Variants in EXOC6B observed in about 807,000 individuals in gnomAD.
EXOC6B encodes exocyst complex component 6B.
Under a neutral mutation model 113.5 loss-of-function variants are expected in EXOC6B, and 54 were observed. That is an observed-to-expected ratio of 0.48 (90% CI 0.38 to 0.60). The LOEUF (loss-of-function observed/expected upper bound fraction) is 0.60. Ranked by LOEUF, EXOC6B falls within the 20% of genes least tolerant of loss-of-function variation. The probability of loss-of-function intolerance (pLI) is 0.00; values close to 1 mark genes in which losing one functional copy is unlikely to be tolerated. For synonymous variants in EXOC6B, 357 were observed against 339.0 expected (o/e 1.05, Z -0.58); for missense variants, 797 against 977.5 (o/e 0.82, Z 2.46).
At chr2:72,554,907 AC>A (rs1286625524) in intron 8 of EXOC6B, among the ~76,000 whole-genome samples, 15 of 151,270 alleles carry the variant, frequency 9.9e-5, no homozygotes, top group African/African-American at 3.6e-4. Context: ...CCTCCCCCAG[AC>A]CCCCAACCCC....
At chr2:72,468,936 T>C (rs1698226766) in intron 17 of EXOC6B, among the ~76,000 whole-genome samples, 1 of 152,180 alleles carries the variant, frequency 6.6e-6, no homozygotes, top group Non-Finnish European at 1.5e-5. Flanking sequence ...GTCTTTTTCA[T>C]TAATAGGCTT....
At position 72,718,316 on chromosome 2, in the gene EXOC6B, G is replaced by A; in HGVS notation, c.465-9C>T. 6.2e-7 allele frequency: 1 copy of A among 1,612,690 alleles called. No homozygotes were observed. Among genetic ancestry groups the A allele is most frequent in the Non-Finnish European group, 8.5e-7 (1 of 1,179,056 alleles). Reference sequence around the variant, plus strand: ...TCAGTGCAGGATAATGCCTACAAAAGGAATTGATCACCTTTAGCTCACTCA... The same window carrying A: ...TCAGTGCAGGATAATGCCTACAAAAAGAATTGATCACCTTTAGCTCACTCA... On this transcript the variant is annotated splice_polypyrimidine_tract_variant and intron_variant, in intron 5 of 21. Transcript: ENST00000272427.
chr2:72,344,848 CCTT>C (rs1689233486), intron 19 of EXOC6B, among the ~76,000 whole-genome samples: 2 of 151,922 alleles, frequency 1.3e-5, no homozygotes, highest in East Asian at 3.9e-4. Context: ...AAGCACAAGC[CCTT>C]TAAATCTCCT....
At position 72,615,175 on chromosome 2, in the gene EXOC6B, T is replaced by G. The variant is rs148723843; in HGVS notation, c.670-39507A>C. Among the ~76,000 whole-genome samples the G allele has an allele frequency of 2.3e-3, 348 of 152,174 alleles. 2 individuals carry two copies. The highest frequency in any genetic ancestry group is 7.3e-3 in the African/African-American group (304 of 41,538). ...GATAAAGACCATCTAATATTAAGATTCAGACATCTAATAACAAAGCTTCAA... is the reference window on the plus strand; with the variant it reads ...GATAAAGACCATCTAATATTAAGATGCAGACATCTAATAACAAAGCTTCAA... On this transcript the variant is annotated intron_variant, in intron 6 of 21. Coordinates refer to ENST00000272427, the MANE Select transcript of EXOC6B (RefSeq NM_015189.3).
intron 6 of EXOC6B, among the ~76,000 whole-genome samples, chr2:72,681,847 T>A (rs536697125): frequency 6.6e-6 from 1 of 152,226 alleles, no homozygotes; most frequent in South Asian, 2.1e-4. Flanking sequence ...AATAGGGTAG[T>A]CTTGATTTAT....
intron 19 of EXOC6B, among the ~76,000 whole-genome samples, chr2:72,335,565 C>G (rs1455551590): frequency 1.5e-5 from 2 of 129,796 alleles, no homozygotes; most frequent in Admixed American, 1.5e-4. Flanking sequence ...CACACACACA[C>G]ACACACACAC....
intron 20 of EXOC6B, among the ~76,000 whole-genome samples, chr2:72,227,601 A>G (rs1443081749): frequency 1.3e-5 from 2 of 152,226 alleles, no homozygotes; most frequent in East Asian, 1.9e-4. Context: ...CACAACTGAT[A>G]TGTTTTATCC....
intron 11 of EXOC6B, among the ~76,000 whole-genome samples, chr2:72,504,201 G>A (rs1384501429): frequency 6.6e-6 from 1 of 151,998 alleles, no homozygotes; most frequent in Non-Finnish European, 1.5e-5. Flanking sequence ...AGCCACCATG[G>A]CTGGCCTTGT....
intron 6 of EXOC6B, among the ~76,000 whole-genome samples, chr2:72,683,030 T>G (rs1169742744): frequency 6.6e-6 from 1 of 152,210 alleles, no homozygotes; most frequent in Non-Finnish European, 1.5e-5. Context: ...TATCAACATT[T>G]GACAATCTTG....
chr2:72,493,081 G>A (rs1699835081), intron 15 of EXOC6B, among the ~76,000 whole-genome samples: 1 of 151,826 alleles, frequency 6.6e-6, no homozygotes, highest in African/African-American at 2.4e-5. Context: ...TTTCTTCTGG[G>A]TTCTATATTG....
chr2:72,496,026 T>C (rs2105565768), intron 14 of EXOC6B, among the ~76,000 whole-genome samples: 1 of 152,276 alleles, frequency 6.6e-6, no homozygotes, highest in South Asian at 2.1e-4. Context: ...AGCTATTTGG[T>C]ATCAACATTG....
At chr2:72,428,259 G>A (rs1294969354) in intron 18 of EXOC6B, among the ~76,000 whole-genome samples, 1 of 152,210 alleles carries the variant, frequency 6.6e-6, no homozygotes, top group Non-Finnish European at 1.5e-5. Flanking sequence ...CCACGTTCCA[G>A]GCAAAGATAA....
At chr2:72,737,242 C>T (rs112216291) in intron 2 of EXOC6B, among the ~76,000 whole-genome samples, 5,647 of 151,958 alleles carry the variant, frequency 0.037, 330 homozygotes, top group African/African-American at 0.13. Context: ...GAGGCTGAGG[C>T]ATGAGGCACA....
rs182428194 is a variant in EXOC6B, at chr2:72,412,309, T to C, written c.1981-32439A>G. ...TAATTCATAAATCTAACACTAGCTA[T>C]AGGTGAACAGAGGTGAAATAAAAAT... On this transcript the variant is annotated intron_variant, in intron 18 of 21. Coordinates refer to ENST00000272427, the MANE Select transcript of EXOC6B (RefSeq NM_015189.3). 2.6e-5 allele frequency among the ~76,000 whole-genome samples: 4 copies of C among 152,338 alleles called. No individual in the cohort carries two copies. The East Asian group carries it at 7.7e-4, about 29-fold the overall frequency.
At chr2:72,610,136 G>A (rs1468933376) in intron 6 of EXOC6B, among the ~76,000 whole-genome samples, 1 of 151,782 alleles carries the variant, frequency 6.6e-6, no homozygotes, top group Non-Finnish European at 1.5e-5. Flanking sequence ...GCTTCAAGTG[G>A]GTATGGCTAT....
intron 20 of EXOC6B, among the ~76,000 whole-genome samples, chr2:72,320,348 A>G (rs1687779719): frequency 6.6e-6 from 1 of 152,076 alleles, no homozygotes; most frequent in South Asian, 2.1e-4. Flanking sequence ...ATATAAAAGT[A>G]AGATCAAGAC....
chr2:72,806,718 A>G (rs1318519026), intron 1 of EXOC6B, among the ~76,000 whole-genome samples: 1 of 134,786 alleles, frequency 7.4e-6, no homozygotes, highest in Non-Finnish European at 1.6e-5. Context: ...TTTTAATAAC[A>G]GCCAATCTGA....
intron 20 of EXOC6B, among the ~76,000 whole-genome samples, chr2:72,227,008 C>T (rs551573778): frequency 6.6e-6 from 1 of 152,208 alleles, no homozygotes; most frequent in African/African-American, 2.4e-5. Context: ...ATTATATCTG[C>T]ATTCCATACA....
chr2:72,677,349 G>A (rs1676387303), intron 6 of EXOC6B, among the ~76,000 whole-genome samples: 1 of 151,814 alleles, frequency 6.6e-6, no homozygotes, highest in Non-Finnish European at 1.5e-5. Context: ...TGGGCAACAT[G>A]GTGAAACCCT....
Sources: gnomAD v4.1 joint callset for allele counts (sites outside exome capture counted in the v4.1 genomes callset) on GRCh38, gnomAD v4.1.1 for gene constraint, MANE v1.5 for transcripts, NCBI Gene and HGNC (gene_info 2026-07-23, HGNC 2026-07-21) for gene names.